ZFP91: variants seen among roughly 807,000 people sequenced by gnomAD.
The protein encoded by ZFP91 is ZFP91 zinc finger protein, atypical E3 ubiquitin ligase.
Under a neutral mutation model 63.5 loss-of-function variants are expected in ZFP91, and 7 were observed. The observed-to-expected ratio is 0.11, with a 90% CI of 0.06 to 0.21. ZFP91 has a LOEUF of 0.21. Ranked by LOEUF, ZFP91 falls within the 10% of genes least tolerant of loss-of-function variation. The pLI, the probability that ZFP91 is intolerant of heterozygous loss-of-function variation, is 1.00. For synonymous variants in ZFP91, 330 were observed against 272.1 expected (o/e 1.21, Z -2.10); for missense variants, 628 against 736.6 (o/e 0.85, Z 1.71).
intron 2 of ZFP91, among the ~76,000 whole-genome samples, chr11:58,586,692 G>A (rs1458434781): frequency 2.0e-5 from 3 of 152,102 alleles, no homozygotes; most frequent in Admixed American, 2.0e-4. Context: ...TGGAGGCTCG[G>A]GTAGTCACTT....
In ZFP91 at chr11:58,619,489, A is replaced by T. The variant is rs997976049; in HGVS notation, c.*1783A>T. On this transcript the variant is annotated 3_prime_UTR_variant, in exon 11 of 11. Coordinates refer to ENST00000316059, the MANE Select transcript of ZFP91 (RefSeq NM_053023.5). ...AAAGAATGACGTTTTGCTGGAAAAA[A>T]AAAAAAGAACAGTTTGTGTTTCACA... The T allele has an allele frequency of 6.6e-6, 1 of 152,584 alleles. No individual in the cohort carries two copies. Among genetic ancestry groups the T allele is most frequent in the African/African-American group, 2.4e-5 (1 of 41,432 alleles). The allele number at this position is 152,584 out of a possible 1,614,324, so 9.5% of individuals were successfully genotyped here. A position where few individuals can be genotyped will look rare whatever the true frequency, so the allele number is the denominator to read the frequency against.
At position 58,593,455 on chromosome 11, in the gene ZFP91, T is replaced by A. The variant is rs375422860; in HGVS notation, c.370+8571T>A. On this transcript the variant is annotated intron_variant, in intron 2 of 10. Coordinates refer to ENST00000316059, the MANE Select transcript of ZFP91 (RefSeq NM_053023.5). ...GTCTTTCATGCCCCAGAAAAAGTGA[T>A]ATGAACAGAACAAGATTGTACTGTG... Among the ~76,000 whole-genome samples the A allele has an allele frequency of 1.2e-4, 18 of 152,216 alleles. No homozygotes were observed. In the East Asian group the frequency reaches 1.5e-3, roughly 13 times the overall value.
At chr11:58,586,066 C>G (rs1309511391) in intron 2 of ZFP91, among the ~76,000 whole-genome samples, 1 of 151,288 alleles carries the variant, frequency 6.6e-6, no homozygotes, top group Non-Finnish European at 1.5e-5. Context: ...GTTGTTGTTA[C>G]TTAGAAAATA....
At chr11:58,590,908 G>GTT (rs1265672230) in intron 2 of ZFP91, among the ~76,000 whole-genome samples, 3 of 144,008 alleles carry the variant, frequency 2.1e-5, no homozygotes, top group African/African-American at 7.6e-5. Context: ...ATATTTCTGG[G>GTT]TTTTTTTTTT....
intron 6 of ZFP91, 95 bp from the exon 7 acceptor site, chr11:58,612,180 GTTC>G (rs1855675681): frequency 8.0e-7 from 1 of 1,249,848 alleles, no homozygotes; most frequent in South Asian, 1.4e-5. Flanking sequence ...TTTGCCACTT[GTTC>G]TTTGGCCGTG....
At chr11:58,596,279 C>A (rs946490022) in intron 2 of ZFP91, among the ~76,000 whole-genome samples, 1 of 152,176 alleles carries the variant, frequency 6.6e-6, no homozygotes, top group Non-Finnish European at 1.5e-5. Flanking sequence ...AGAATCGTTA[C>A]TCTTATCTCA....
intron 2 of ZFP91, among the ~76,000 whole-genome samples, chr11:58,597,297 C>G (rs1163239732): frequency 6.6e-6 from 1 of 152,140 alleles, no homozygotes; most frequent in Non-Finnish European, 1.5e-5. Flanking sequence ...GTTAGCCTAT[C>G]CTTTCCTGCT....
intron 8 of ZFP91, 56 bp from the exon 9 acceptor site, chr11:58,614,173 A>G (rs1855712566): frequency 8.7e-7 from 1 of 1,143,004 alleles, no homozygotes; most frequent in Non-Finnish European, 1.3e-6. Context: ...AAAGACAAGT[A>G]CTTTCAGGAA....
Position 58,617,774 on chromosome 11 carries a change from A to G in ZFP91, c.*68A>G. 1 of 1,442,802 alleles carries G rather than the reference A, an allele frequency of 6.9e-7. No individual in the cohort carries two copies. The highest frequency in any genetic ancestry group is 1.6e-5 in the South Asian group (1 of 60,786). 89.4% of individuals were successfully genotyped at this position (1,442,802 alleles called of 1,614,324 possible). ...TTTAAAAGTTAAAAAGGACAAAAAA[A>G]AAATCTAAAGCATTTAAAATCTAGT... On this transcript the variant is annotated 3_prime_UTR_variant, in exon 11 of 11. Transcript: ENST00000316059. This position sits in a 1 kb window ranked among gnomAD's most constrained non-coding sequence, Gnocchi z 4.2.
chr11:58,615,646 C>T (rs951254551), intron 9 of ZFP91, among the ~76,000 whole-genome samples: 9 of 152,084 alleles, frequency 5.9e-5, no homozygotes, highest in African/African-American at 1.4e-4. Flanking sequence ...TAGAACTGTG[C>T]GTTTTTAGAC....
chr11:58,585,510 G>T (rs1855191960), intron 2 of ZFP91, among the ~76,000 whole-genome samples: 1 of 152,066 alleles, frequency 6.6e-6, no homozygotes, highest in Non-Finnish European at 1.5e-5. Flanking sequence ...TTTTGGCTGT[G>T]TTCCTTGATG....
chr11:58,604,853 C>T lies in ZFP91; in HGVS notation c.371-4977C>T, dbSNP rs375430910. 2.2e-4 allele frequency among the ~76,000 whole-genome samples: 33 copies of T among 152,288 alleles called. No homozygotes were observed. The East Asian group carries it at 3.7e-3, about 17-fold the overall frequency. On this transcript the variant is annotated intron_variant, in intron 2 of 10. Transcript: ENST00000316059. Reference sequence around the variant, plus strand: ...CAAAAGATTGGACAACCAGGTCTAACGTGAGTTTCTTGTAGACAGATTGTA... The same window carrying T: ...CAAAAGATTGGACAACCAGGTCTAATGTGAGTTTCTTGTAGACAGATTGTA...
rs540081708 is a variant in ZFP91 at position 58,581,356 on chromosome 11, G to A, written c.341+1734G>A. 2.6e-5 allele frequency among the ~76,000 whole-genome samples: 4 copies of A among 152,242 alleles called. No individual in the cohort carries two copies. In the South Asian group the frequency reaches 8.3e-4, roughly 32 times the overall value. ...GATAATTATGTCTAAAATGGTACCT[G>A]CTGTTTAATTTCTTTTTTTGGAGAT... On this transcript the variant is annotated intron_variant, in intron 1 of 10. Transcript: ENST00000316059.
chr11:58,600,324 C>CT (rs1356357542), intron 2 of ZFP91, among the ~76,000 whole-genome samples: 4 of 151,768 alleles, frequency 2.6e-5, no homozygotes, highest in African/African-American at 9.7e-5. Context: ...CCTTTTTATT[C>CT]TATTGTAAAG....
chr11:58,596,712 T>C (rs1447802425), intron 2 of ZFP91, among the ~76,000 whole-genome samples: 2 of 151,860 alleles, frequency 1.3e-5, no homozygotes, highest in Non-Finnish European at 2.9e-5. Flanking sequence ...CTTTTTTTTT[T>C]TTTTGCCATA....
intron 2 of ZFP91, among the ~76,000 whole-genome samples, chr11:58,600,777 T>C (rs1046442877): frequency 1.3e-5 from 2 of 152,196 alleles, no homozygotes; most frequent in Admixed American, 6.5e-5. Context: ...GCGTATGATG[T>C]GAGCTCTGGG....
At position 58,609,745 on chromosome 11, in the gene ZFP91, C is replaced by G; in HGVS notation, c.371-85C>G. 3 of 1,153,178 alleles carry G rather than the reference C, an allele frequency of 2.6e-6. No individual in the cohort carries two copies. The South Asian group carries it at 4.3e-5, about 16-fold the overall frequency. The allele number at this position is 1,153,178 out of a possible 1,614,324, so 71.4% of individuals were successfully genotyped here. ...CCTTTGAAAATATTTAATTTATCTT[C>G]AACTGTATTTACAATTAGTAGATAT... On this transcript the variant is annotated intron_variant, in intron 2 of 10. Coordinates refer to ENST00000316059, the MANE Select transcript of ZFP91 (RefSeq NM_053023.5).
chr11:58,596,471 G>A lies in ZFP91; in HGVS notation c.370+11587G>A, dbSNP rs188230064. Among the ~76,000 whole-genome samples the A allele has an allele frequency of 3.7e-3, 570 of 152,312 alleles. 6 individuals are homozygous for A. The highest frequency in any genetic ancestry group is 0.013 in the African/African-American group (542 of 41,564). The stretch of plus-strand genomic sequence containing the variant: ...TTCCTGTCATAAAAGGAAGTCAAAA[G>A]CAGTCTTGAATAATTGGAACCTTTC... On this transcript the variant is annotated intron_variant, in intron 2 of 10. Coordinates refer to ENST00000316059, the MANE Select transcript of ZFP91 (RefSeq NM_053023.5).
chr11:58,603,848 A>AT (rs1426990001), intron 2 of ZFP91, among the ~76,000 whole-genome samples: 14 of 152,204 alleles, frequency 9.2e-5, no homozygotes, highest in Non-Finnish European at 2.1e-4. Context: ...TGTGTAATCT[A>AT]TAAGTGTCCC....
Sources: gnomAD v4.1 joint callset for allele counts (sites outside exome capture counted in the v4.1 genomes callset) on GRCh38, gnomAD v4.1.1 for gene constraint, Gnocchi (gnomAD v3.1) non-coding constraint, MANE v1.5 for transcripts, NCBI Gene and HGNC (gene_info 2026-07-23, HGNC 2026-07-21) for gene names.